SDK1: variants seen among roughly 807,000 people sequenced by gnomAD.
SDK1 encodes the protein sidekick cell adhesion molecule 1.
A neutral mutation model predicts 245.5 loss-of-function variants in SDK1; 157 were observed. The ratio of observed to expected loss-of-function variants is 0.64; its 90% CI spans 0.56 to 0.73. The LOEUF (loss-of-function observed/expected upper bound fraction) is 0.73. Among genes scored for constraint, SDK1 ranks in the 30% least tolerant of loss-of-function variants. The pLI is 0.00. For synonymous variants in SDK1, 1,647 were observed against 1,278.5 expected (o/e 1.29, Z -6.15); for missense variants, 3,583 against 3,002.3 (o/e 1.19, Z -4.52).
intron 1 of SDK1, 122 bp downstream of exon 1, chr7:3,302,006 T>C (rs1779279582): frequency 2.6e-6 from 2 of 761,588 alleles, no homozygotes; most frequent in Non-Finnish European, 3.3e-6. Flanking sequence ...TGCGCCTTGC[T>C]GGGGGCTCTA....
chr7:4,232,352 GT>G lies in SDK1; in HGVS notation c.5828-896del, dbSNP rs767432190. Among the ~76,000 whole-genome samples, 4 of 106,932 alleles carry G rather than the reference GT, an allele frequency of 3.7e-5. No homozygotes were observed. In the South Asian group the frequency reaches 9.8e-4, roughly 26 times the overall value. 70.2% of individuals were successfully genotyped at this position (106,932 alleles called of 152,430 possible). ...CAGCCCTGATGCTATAGTGTCATAA[GT>G]TTTTTTCTTTCTTTTTTTTTTTCCT... On this transcript the variant is annotated intron_variant, in intron 40 of 44. Coordinates refer to ENST00000404826, the MANE Select transcript of SDK1 (RefSeq NM_152744.4).
chr7:3,474,437 C>T (rs77415197), intron 1 of SDK1, among the ~76,000 whole-genome samples: 3,305 of 152,020 alleles, frequency 0.022, 131 homozygotes, highest in African/African-American at 0.075. Context: ...CCCTCCTGTC[C>T]AGTACCAACC....
At chr7:3,503,276 G>T (rs1399734685) in intron 1 of SDK1, among the ~76,000 whole-genome samples, 4 of 152,174 alleles carry the variant, frequency 2.6e-5, no homozygotes, top group Non-Finnish European at 5.9e-5. Context: ...CTATTTGGAA[G>T]AATTGGATTA....
intron 1 of SDK1, among the ~76,000 whole-genome samples, chr7:3,340,009 T>C (rs912883754): frequency 1.3e-5 from 2 of 152,064 alleles, no homozygotes; most frequent in Non-Finnish European, 2.9e-5. Flanking sequence ...AAATAGAGGA[T>C]ATCACTACAG....
At chr7:3,659,977 A>G (rs981861160) in intron 4 of SDK1, among the ~76,000 whole-genome samples, 4 of 152,194 alleles carry the variant, frequency 2.6e-5, no homozygotes, top group Non-Finnish European at 5.9e-5. Context: ...TTCAGATCGG[A>G]TATGGGGCTT....
chr7:3,727,727 G>A (rs1316802546), intron 4 of SDK1, among the ~76,000 whole-genome samples: 1 of 152,106 alleles, frequency 6.6e-6, no homozygotes, highest in Non-Finnish European at 1.5e-5. Context: ...CTGACCTCGG[G>A]TGATCCACCC....
At chr7:3,596,752 C>T (rs1347760277) in intron 1 of SDK1, among the ~76,000 whole-genome samples, 4 of 152,102 alleles carry the variant, frequency 2.6e-5, no homozygotes, top group African/African-American at 7.2e-5. Context: ...TTTAATTGAG[C>T]GAAGACTAAT....
chr7:4,131,588 G>A (rs747985438), intron 27 of SDK1, among the ~76,000 whole-genome samples: 2 of 152,122 alleles, frequency 1.3e-5, no homozygotes, highest in Non-Finnish European at 2.9e-5. Context: ...CCTGGGAATC[G>A]GTCAGTTATT....
intron 1 of SDK1, among the ~76,000 whole-genome samples, chr7:3,418,006 T>C (rs1379745308): frequency 6.6e-6 from 1 of 152,078 alleles, no homozygotes; most frequent in Non-Finnish European, 1.5e-5. Context: ...AGAGCAACTT[T>C]TCTTGAGTTT....
At chr7:3,745,166 G>C (rs572160959) in intron 4 of SDK1, among the ~76,000 whole-genome samples, 3 of 152,280 alleles carry the variant, frequency 2.0e-5, no homozygotes, top group Admixed American at 6.5e-5. Context: ...CTTAGGGAAG[G>C]TCCTGTGGTA....
rs36034512 is a variant in SDK1 at position 4,046,820 on chromosome 7, ATT to A, written c.2603-2517_2603-2516del. ...AATGTCTAGGAGATATCTAGCTGTG[ATT>A]TTTTTTTTTTCTTTTTTGAGAGCGG... On this transcript the variant is annotated intron_variant, in intron 17 of 44. Transcript: ENST00000404826. 4.4e-4 allele frequency among the ~76,000 whole-genome samples: 65 copies of A among 147,804 alleles called. 1 individual carries two copies. The highest frequency in any genetic ancestry group is 1.5e-3 in the African/African-American group (62 of 40,758).
At chr7:3,591,249 C>T (rs1583203305) in intron 1 of SDK1, among the ~76,000 whole-genome samples, 1 of 151,856 alleles carries the variant, frequency 6.6e-6, no homozygotes, top group South Asian at 2.1e-4. Flanking sequence ...TACCTTTTTC[C>T]TTTTGCAGTG....
At chr7:3,601,454 G>A (rs907884395) in intron 1 of SDK1, among the ~76,000 whole-genome samples, 1 of 151,942 alleles carries the variant, frequency 6.6e-6, no homozygotes, top group Non-Finnish European at 1.5e-5. Flanking sequence ...TTAGTAGTTT[G>A]TAGTTTTCTA....
At chr7:3,938,390 C>T (rs971472824) in intron 5 of SDK1, among the ~76,000 whole-genome samples, 6 of 152,044 alleles carry the variant, frequency 3.9e-5, no homozygotes, top group African/African-American at 1.4e-4. Flanking sequence ...TGCCTGTAAT[C>T]CCAGCACTTT....
intron 26 of SDK1, among the ~76,000 whole-genome samples, chr7:4,128,874 G>A (rs1784577461): frequency 1.5e-5 from 2 of 137,644 alleles, no homozygotes; most frequent in East Asian, 2.2e-4. Context: ...CTTGGGGTGG[G>A]GTGCCCTGGA....
chr7:4,142,595 G>A (rs1403224334), intron 28 of SDK1, among the ~76,000 whole-genome samples: 1 of 152,158 alleles, frequency 6.6e-6, no homozygotes, highest in African/African-American at 2.4e-5. Flanking sequence ...CCAAAGTGCT[G>A]AGATTACAGC....
At chr7:3,993,834 C>T (rs1347913156) in intron 14 of SDK1, among the ~76,000 whole-genome samples, 1 of 152,152 alleles carries the variant, frequency 6.6e-6, no homozygotes, top group Non-Finnish European at 1.5e-5. Flanking sequence ...CGCATTCTAT[C>T]TACTCTTCTC....
intron 1 of SDK1, among the ~76,000 whole-genome samples, chr7:3,393,887 C>G (rs989251067): frequency 1.3e-5 from 2 of 152,054 alleles, no homozygotes; most frequent in African/African-American, 4.8e-5. Context: ...CCCGGATGGT[C>G]TTGATGCTTG....
intron 1 of SDK1, among the ~76,000 whole-genome samples, chr7:3,606,755 T>G (rs962510154): frequency 6.6e-6 from 1 of 152,180 alleles, no homozygotes; most frequent in Non-Finnish European, 1.5e-5. Context: ...CCAGATTTCT[T>G]TTTTCCTCTT....
Sources: allele counts gnomAD v4.1 joint callset (sites outside exome capture counted in the v4.1 genomes callset), GRCh38; gene constraint gnomAD v4.1.1; transcripts MANE v1.5; gene names NCBI Gene and HGNC (gene_info 2026-07-23, HGNC 2026-07-21).